The following MASP1 variants were observed in gnomAD, a reference collection of about 807,000 sequenced individuals.
MASP1 encodes the protein MBL associated serine protease 1.
Under a neutral mutation model 77.1 loss-of-function variants are expected in MASP1, and 59 were observed. The observed-to-expected ratio is 0.77, with a 90% CI of 0.62 to 0.95. MASP1 has a LOEUF of 0.95. Among genes scored for constraint, MASP1 ranks in the 40% least tolerant of loss-of-function variants. MASP1 has a pLI of 0.00. For missense variants in MASP1, 885 were observed against 912.9 expected (o/e 0.97, Z 0.39); for synonymous variants, 362 against 354.5 (o/e 1.02, Z -0.24).
At chr3:187,222,041 A>T (rs1712090406) in intron 14 of MASP1, among the ~76,000 whole-genome samples, 1 of 152,192 alleles carries the variant, frequency 6.6e-6, no homozygotes, top group South Asian at 2.1e-4. Context: ...GGCCATTCAG[A>T]TCCCTCTTGG....
Position 187,234,706 on chromosome 3 carries a change from C to A in MASP1, c.*978G>T. 7.8e-7 allele frequency: 1 copy of A among 1,287,146 alleles called. No homozygotes were observed. The highest frequency in any genetic ancestry group is 1.2e-5 in the South Asian group (1 of 80,936). 79.7% of individuals were successfully genotyped at this position (1,287,146 alleles called of 1,614,324 possible). On this transcript the variant is annotated 3_prime_UTR_variant, in exon 11 of 11. Coordinates refer to ENST00000296280, the MANE Select transcript of MASP1 (RefSeq NM_139125.4). Reference sequence around the variant, plus strand: ...ATTTGGGTGACTTCTAATGTGCCCACCCCACTCTTTCTTCCATTTTCCTGC... The same window carrying A: ...ATTTGGGTGACTTCTAATGTGCCCAACCCACTCTTTCTTCCATTTTCCTGC...
chr3:187,263,848 C>T lies in MASP1; in HGVS notation c.238-1128G>A, dbSNP rs72549164. Reference sequence around the variant, plus strand: ...TGTGAGACAGGAGTTTGGGAAGCTTCGTATGATAGCTAGTTGGTATATTTA... The same window carrying T: ...TGTGAGACAGGAGTTTGGGAAGCTTTGTATGATAGCTAGTTGGTATATTTA... On this transcript the variant is annotated intron_variant, in intron 2 of 10. Coordinates refer to ENST00000296280, the MANE Select transcript of MASP1 (RefSeq NM_139125.4). Among the ~76,000 whole-genome samples, 217 of 152,226 alleles carry T rather than the reference C, an allele frequency of 1.4e-3. 3 individuals are homozygous for T. In the East Asian group the frequency reaches 0.039, roughly 28 times the overall value.
In MASP1 at chr3:187,235,248, C is replaced by A. The variant is rs918377828; in HGVS notation, c.*436G>T. 3.9e-6 allele frequency: 5 copies of A among 1,293,146 alleles called. No homozygotes were observed. The Admixed American group carries it at 1.1e-4, about 30-fold the overall frequency. 80.1% of individuals were successfully genotyped at this position (1,293,146 alleles called of 1,614,324 possible). On this transcript the variant is annotated 3_prime_UTR_variant, in exon 11 of 11. Coordinates refer to ENST00000296280, the MANE Select transcript of MASP1 (RefSeq NM_139125.4). ...GGCAGAGCAGGAAAATATACAGATG[C>A]GGCATTCAGTTCAATGTTAGAAACC...
exon 16 of MASP1, chr3:187,219,824 C>T: frequency 5.5e-6 from 3 of 548,238 alleles, no homozygotes; most frequent in Non-Finnish European, 6.6e-6. Context: ...GATGAAGTCA[C>T]CTGCCCAGCA....
intron 1 of MASP1, among the ~76,000 whole-genome samples, chr3:187,289,575 A>G (rs1718140875): frequency 6.6e-6 from 1 of 152,232 alleles, no homozygotes; most frequent in East Asian, 1.9e-4. Context: ...TAAAAAATTT[A>G]AAAATATTAA....
At chr3:187,273,720 T>C (rs538696868) in intron 2 of MASP1, among the ~76,000 whole-genome samples, 1 of 152,312 alleles carries the variant, frequency 6.6e-6, no homozygotes, top group South Asian at 2.1e-4. Flanking sequence ...TGATACCAGA[T>C]AGAAACTTGG....
chr3:187,226,349 A>T, intron 12 of MASP1: 2 of 1,255,838 alleles, frequency 1.6e-6, no homozygotes, highest in Non-Finnish European at 2.3e-6. Flanking sequence ...AAGGGCCAGT[A>T]GGTCATTCCC....
At chr3:187,231,679 C>A (rs1397652175), downstream of MASP1, among the ~76,000 whole-genome samples, 1 of 152,224 alleles carries the variant, frequency 6.6e-6, no homozygotes, top group African/African-American at 2.4e-5. Flanking sequence ...GCTCCCAAGC[C>A]ATTGAAGCTG....
Position 187,262,638 on chromosome 3 carries a change from A to G in MASP1, c.320T>C (p.Val107Ala), listed in dbSNP as rs780345720. 3.1e-6 allele frequency: 5 copies of G among 1,613,930 alleles called. No homozygotes were observed. The Admixed American group carries it at 8.3e-5, about 27-fold the overall frequency. Residue 107 changes from valine to alanine, a missense_variant, in exon 3 of 11, where the codon GTC becomes GCC. Coordinates refer to ENST00000296280, the MANE Select transcript of MASP1 (RefSeq NM_139125.4). ...DTEQTPGQEV[V>A]LSPGSFMSIT... is the part of the protein sequence containing the mutation. ...GGACATGAAGGAGCCAGGGGAGAGG[A>G]CCACCTCCTGGCCGGGAGTCTGCTC...
intron 2 of MASP1, among the ~76,000 whole-genome samples, chr3:187,275,892 C>T (rs761210546): frequency 9.9e-5 from 15 of 151,612 alleles, no homozygotes; most frequent in South Asian, 2.1e-4. Context: ...AAATGAGATT[C>T]GGGGCATGAA....
At position 187,246,869 on chromosome 3, in the gene MASP1, T is replaced by C. The variant is rs946847262; in HGVS notation, c.1091-3248A>G. Reference sequence around the variant, plus strand: ...TATTATTTGCTTTACCTACTCATGGTGGTTAAGAAAGCAGCAACAGGTAAT... The same window carrying C: ...TATTATTTGCTTTACCTACTCATGGCGGTTAAGAAAGCAGCAACAGGTAAT... On this transcript the variant is annotated intron_variant, in intron 8 of 10. Transcript: ENST00000296280. The C allele has an allele frequency of 1.2e-5, 12 of 1,020,070 alleles. 1 individual carries two copies. The South Asian group carries it at 4.7e-4, about 40-fold the overall frequency. The allele number at this position is 1,020,070 out of a possible 1,614,324, so 63.2% of individuals were successfully genotyped here.
At position 187,256,021 on chromosome 3, in the gene MASP1, G is replaced by A. The variant is rs552254316; in HGVS notation, c.744+643C>T. On this transcript the variant is annotated intron_variant, in intron 5 of 10. Transcript: ENST00000296280. ...GCTGGTTTTACTTTCCACATATCTC[G>A]AAAATATCTCCCCCATTATCCCAGC... Among the ~76,000 whole-genome samples the A allele has an allele frequency of 1.7e-3, 261 of 152,096 alleles. 1 individual carries two copies. Among genetic ancestry groups the A allele is most frequent in the African/African-American group, 5.7e-3 (237 of 41,468 alleles).
chr3:187,251,650 C>G lies in MASP1; in HGVS notation c.995G>C (p.Gly332Ala). Residue 332 changes from glycine to alanine, a missense_variant, in exon 7 of 11, where the codon GGC becomes GCC. Gly to Ala is a moderately conservative substitution (Grantham distance 60, BLOSUM62 0). Transcript: ENST00000296280. Reference sequence around the variant, plus strand: ...GCTCTGCACCTTCAGCACTTTGTAGCCTGTGTCACAGCTGACGAGCACTTG... The same window carrying G: ...GCTCTGCACCTTCAGCACTTTGTAGGCTGTGTCACAGCTGACGAGCACTTG... Reference protein sequence around the residue: ...KDQVLVSCDTGYKVLKDNVEM... With the variant: ...KDQVLVSCDTAYKVLKDNVEM... 3 of 1,614,104 alleles carry G rather than the reference C, an allele frequency of 1.9e-6. No individual in the cohort carries two copies. The highest frequency in any genetic ancestry group is 2.5e-6 in the Non-Finnish European group (3 of 1,179,970).
intron 1 of MASP1, among the ~76,000 whole-genome samples, chr3:187,286,898 G>A (rs1013030186): frequency 1.3e-5 from 2 of 152,012 alleles, no homozygotes; most frequent in African/African-American, 4.8e-5. Context: ...TTCTGTTCAT[G>A]GTACTACCAT....
intron 2 of MASP1, among the ~76,000 whole-genome samples, chr3:187,265,900 C>T (rs1158204922): frequency 6.6e-6 from 1 of 152,168 alleles, no homozygotes; most frequent in Non-Finnish European, 1.5e-5. Flanking sequence ...TCAGTGACAG[C>T]TCCAGTCATA....
chr3:187,243,385 G>A (rs1340628516), intron 9 of MASP1, 99 bp downstream of exon 9: 2 of 1,228,598 alleles, frequency 1.6e-6, no homozygotes, highest in East Asian at 2.3e-5. Flanking sequence ...ACACACTTAT[G>A]AGCAGTTCTT....
chr3:187,260,490 T>C (rs1269729826), intron 4 of MASP1, among the ~76,000 whole-genome samples: 1 of 152,196 alleles, frequency 6.6e-6, no homozygotes, highest in East Asian at 1.9e-4. Context: ...CAGCAACCTG[T>C]ATAGTGAAAA....
chr3:187,288,309 A>T (rs1718019694), intron 1 of MASP1, among the ~76,000 whole-genome samples: 1 of 152,212 alleles, frequency 6.6e-6, no homozygotes, highest in Admixed American at 6.5e-5. Context: ...TCAAAAAACC[A>T]GGTGGCAGGG....
In MASP1 at chr3:187,235,589, C is replaced by T; in HGVS notation, c.*95G>A. On this transcript the variant is annotated 3_prime_UTR_variant, in exon 11 of 11. Coordinates refer to ENST00000296280, the MANE Select transcript of MASP1 (RefSeq NM_139125.4). ...AAGCCACCGCTAGGTCAGTGTGTTC[C>T]ATTCCATATGGTCTGATAAGTAATG... 1 of 1,591,716 alleles carries T rather than the reference C, an allele frequency of 6.3e-7. No individual in the cohort carries two copies.
Sources: gnomAD v4.1 joint callset for allele counts (sites outside exome capture counted in the v4.1 genomes callset) on GRCh38, gnomAD v4.1.1 for gene constraint, MANE v1.5 for transcripts, NCBI Gene and HGNC (gene_info 2026-07-23, HGNC 2026-07-21) for gene names.